The following CARS1 variants were observed in gnomAD, a reference collection of about 807,000 sequenced individuals.
CARS1 encodes the protein cysteine--tRNA ligase, cytoplasmic.
CARS1 carries 48 observed loss-of-function variants against 106.2 expected under a neutral mutation model. The ratio of observed to expected loss-of-function variants is 0.45; its 90% CI spans 0.36 to 0.57. The LOEUF (loss-of-function observed/expected upper bound fraction) is 0.57, where lower values mean the gene tolerates loss of function less well. Ranked by LOEUF, CARS1 falls within the 20% of genes least tolerant of loss-of-function variation. The pLI is 0.00. For synonymous variants in CARS1, 409 were observed against 403.4 expected, an observed-to-expected ratio of 1.01 and a Z score of -0.17; for missense variants, 968 against 1,057.2, an observed-to-expected ratio of 0.92 and a Z score of 1.17.
rs556430193 is a variant in CARS1 at position 3,023,452 on chromosome 11, C to A, written c.1154-3120G>T. Among the ~76,000 whole-genome samples, 3 of 152,280 alleles carry A rather than the reference C, an allele frequency of 2.0e-5. No homozygotes were observed. The East Asian group carries it at 5.8e-4, about 29-fold the overall frequency. On this transcript the variant is annotated intron_variant, in intron 10 of 22. Coordinates refer to ENST00000380525, the MANE Select transcript of CARS1 (RefSeq NM_001014437.3). ...TGCTGTCAGCCAGGCTGGAGTGCAACGGTGTAATCACAGCTCACTACAGCC... is the reference window on the plus strand; with the variant it reads ...TGCTGTCAGCCAGGCTGGAGTGCAAAGGTGTAATCACAGCTCACTACAGCC...
Position 3,019,046 on chromosome 11 carries a change from A to G in CARS1, c.1395+93T>C. 1.5e-6 allele frequency: 2 copies of G among 1,372,958 alleles called. No homozygotes were observed. Among genetic ancestry groups the G allele is most frequent in the Non-Finnish European group, 2.0e-6 (2 of 1,017,488 alleles). 85.0% of individuals were successfully genotyped at this position (1,372,958 alleles called of 1,614,324 possible). A position where few individuals can be genotyped will look rare whatever the true frequency, so the allele number is the denominator to read the frequency against. ...GATGAAGGTGTCAAGTTCTAGTGAG[A>G]GAGGCCCTTCTGAGGCCTGGGCTGA... is the stretch of plus-strand genomic sequence containing the variant. On this transcript the variant is annotated intron_variant, in intron 12 of 22. Transcript: ENST00000380525. The surrounding 1 kb of genome is among the most constrained non-coding windows in gnomAD (Gnocchi z 6.2).
At chr11:3,018,536 AC>A in intron 13 of CARS1, 25 bp from the exon 14 acceptor site, 1 of 1,612,614 alleles carries the variant, frequency 6.2e-7, no homozygotes, top group Non-Finnish European at 8.5e-7. Context: ...AAGACAGCCA[AC>A]GCCCTTATTC....
At chr11:3,024,939 C>T (rs1851905798) in intron 10 of CARS1, among the ~76,000 whole-genome samples, 1 of 152,186 alleles carries the variant, frequency 6.6e-6, no homozygotes, top group South Asian at 2.1e-4. Context: ...TCAAACCAAG[C>T]CTGTTAACTG....
intron 2 of CARS1, chr11:3,042,460 T>G: frequency 1.8e-6 from 1 of 550,862 alleles, no homozygotes; most frequent in East Asian, 3.1e-5. Flanking sequence ...AGTCTCGCTC[T>G]GTCGCCCAGG....
intron 13 of CARS1, 54 bp from the exon 14 acceptor site, chr11:3,018,565 A>G: frequency 1.2e-6 from 2 of 1,613,108 alleles, no homozygotes; most frequent in Non-Finnish European, 1.7e-6. Flanking sequence ...TGCTACAGCC[A>G]TTACACATGT....
chr11:3,041,095 T>C lies in CARS1; in HGVS notation c.367-111A>G. The C allele has an allele frequency of 2.6e-6, 4 of 1,546,148 alleles. No homozygotes were observed. The highest frequency in any genetic ancestry group is 3.5e-6 in the Non-Finnish European group (4 of 1,132,062). ...TGTGGTTTGTGTTTAGTGTAAACAATTCAACAGAGACCATTTTGTTTTACT... is the reference window on the plus strand; with the variant it reads ...TGTGGTTTGTGTTTAGTGTAAACAACTCAACAGAGACCATTTTGTTTTACT... On this transcript the variant is annotated intron_variant, in intron 3 of 22. Transcript: ENST00000380525. This position sits in a 1 kb window ranked among gnomAD's most constrained non-coding sequence, Gnocchi z 4.9.
rs779043574 is a variant in CARS1 at position 3,029,450 on chromosome 11, A to G, written c.802-7T>C. The G allele has an allele frequency of 8.1e-6, 13 of 1,613,108 alleles. No individual in the cohort carries two copies. Among genetic ancestry groups the G allele is most frequent in the South Asian group, 1.1e-5 (1 of 91,082 alleles). ...TGGCTTCTTCCAGCAACACCTGAAG[A>G]GAAAGAAACAAAAATCCAGCAGCGG... is the stretch of plus-strand genomic sequence containing the variant. On this transcript the variant is annotated splice_polypyrimidine_tract_variant and splice_region_variant and intron_variant, in intron 7 of 22. Coordinates refer to ENST00000380525, the MANE Select transcript of CARS1 (RefSeq NM_001014437.3). The surrounding 1 kb of genome is among the most constrained non-coding windows in gnomAD (Gnocchi z 5.9).
At chr11:3,015,577 C>A (rs1004724161) in intron 17 of CARS1, among the ~76,000 whole-genome samples, 3 of 152,248 alleles carry the variant, frequency 2.0e-5, no homozygotes, top group African/African-American at 7.2e-5. Context: ...CCAACAGTCA[C>A]AACCAAAGCA....
chr11:3,048,289 G>A lies in CARS1; in HGVS notation c.26-288C>T. 1 of 354,968 alleles carries A rather than the reference G, an allele frequency of 2.8e-6. No homozygotes were observed. The highest frequency in any genetic ancestry group is 5.2e-6 in the Non-Finnish European group (1 of 193,860). The allele number at this position is 354,968 out of a possible 1,614,324, so 22.0% of individuals were successfully genotyped here. On this transcript the variant is annotated intron_variant, in intron 1 of 22. Transcript: ENST00000380525. This position sits in a 1 kb window ranked among gnomAD's most constrained non-coding sequence, Gnocchi z 5.1. ...ACAACATCATGCGCCAAATACCACA[G>A]AATTGTGTACTTTTCACTTTATGTC...
intron 7 of CARS1, among the ~76,000 whole-genome samples, chr11:3,035,800 G>A (rs1853535209): frequency 6.6e-6 from 1 of 152,232 alleles, no homozygotes; most frequent in Admixed American, 6.5e-5. Flanking sequence ...AGACATTTCT[G>A]ATATGGCTAC....
chr11:3,027,293 C>T (rs1319066531), intron 9 of CARS1: 1 of 154,926 alleles, frequency 6.5e-6, no homozygotes, highest in Non-Finnish European at 1.4e-5. Flanking sequence ...AGAAGCAGCG[C>T]TACTGCTTAA....
At chr11:3,018,189 G>A in intron 14 of CARS1, 1 of 610,100 alleles carries the variant, frequency 1.6e-6, no homozygotes. Context: ...GCACTGCAGT[G>A]ACTAGGAGGA....
rs1417497535 is a variant in CARS1 at position 3,038,241 on chromosome 11, A to G, written c.652-42T>C. On this transcript the variant is annotated intron_variant, in intron 6 of 22. Transcript: ENST00000380525. This position sits in a 1 kb window ranked among gnomAD's most constrained non-coding sequence, Gnocchi z 4.0. Reference sequence around the variant, plus strand: ...ACGTCAAATCTATTAGATACTGCTCAGCAAAACCTAAATTCATAAAGGTGA... The same window carrying G: ...ACGTCAAATCTATTAGATACTGCTCGGCAAAACCTAAATTCATAAAGGTGA... 1 of 1,569,476 alleles carries G rather than the reference A, an allele frequency of 6.4e-7. No individual in the cohort carries two copies. Among genetic ancestry groups the G allele is most frequent in the Non-Finnish European group, 8.8e-7 (1 of 1,142,438 alleles).
rs546016670 is a variant in CARS1 at position 3,043,277 on chromosome 11, C to T, written c.275-1021G>A. On this transcript the variant is annotated intron_variant, in intron 2 of 22. Coordinates refer to ENST00000380525, the MANE Select transcript of CARS1 (RefSeq NM_001014437.3). The surrounding 1 kb of genome is among the most constrained non-coding windows in gnomAD (Gnocchi z 4.0). ...AGAGCTCTGTCCCTGGGGCCAGGGG[C>T]AGCCACAGGGTGATTATTCACCCTC... 3.9e-5 allele frequency among the ~76,000 whole-genome samples: 6 copies of T among 152,206 alleles called. No homozygotes were observed. Among genetic ancestry groups the T allele is most frequent in the Non-Finnish European group, 8.8e-5 (6 of 68,004 alleles).
rs77184150 is a variant in CARS1 at position 3,036,116 on chromosome 11, G to T, written c.801+1934C>A. Among the ~76,000 whole-genome samples, 723 of 152,322 alleles carry T rather than the reference G, an allele frequency of 4.7e-3. 6 individuals are homozygous for T. Among genetic ancestry groups the T allele is most frequent in the African/African-American group, 0.016 (679 of 41,570 alleles). On this transcript the variant is annotated intron_variant, in intron 7 of 22. Coordinates refer to ENST00000380525, the MANE Select transcript of CARS1 (RefSeq NM_001014437.3). ...CATGTGGCTGCATTTTTTTCCTGGT[G>T]GGGGAGAGTGTGCTGTGTCCCCTCA...
In CARS1 at chr11:3,030,820, A is replaced by C. The variant is rs1294300935; in HGVS notation, c.802-1377T>G. The C allele has an allele frequency of 1.3e-5, 2 of 152,282 alleles. No individual in the cohort carries two copies. The highest frequency in any genetic ancestry group is 2.4e-5 in the African/African-American group (1 of 41,460). 9.4% of individuals were successfully genotyped at this position (152,282 alleles called of 1,614,324 possible). ...CCCAGCTGGATCTGAAAATAGAAGC[A>C]AACGGAACCTGCAGAGATGAAATCT... On this transcript the variant is annotated intron_variant, in intron 7 of 22. Coordinates refer to ENST00000380525, the MANE Select transcript of CARS1 (RefSeq NM_001014437.3). The surrounding 1 kb of genome is among the most constrained non-coding windows in gnomAD (Gnocchi z 5.7).
Position 3,048,296 on chromosome 11 carries a change from G to T in CARS1, c.26-295C>A. On this transcript the variant is annotated intron_variant, in intron 1 of 22. Coordinates refer to ENST00000380525, the MANE Select transcript of CARS1 (RefSeq NM_001014437.3). The surrounding 1 kb of genome is among the most constrained non-coding windows in gnomAD (Gnocchi z 5.1). ...CATGCGCCAAATACCACAGAATTGT[G>T]TACTTTTCACTTTATGTCATATAAA... is the stretch of plus-strand genomic sequence containing the variant. The T allele has an allele frequency of 3.1e-6, 1 of 323,854 alleles. No individual in the cohort carries two copies. The allele number at this position is 323,854 out of a possible 1,614,324, so 20.1% of individuals were successfully genotyped here.
intron 2 of CARS1, among the ~76,000 whole-genome samples, chr11:3,042,879 G>C (rs1389157715): frequency 2.0e-5 from 3 of 152,206 alleles, no homozygotes; most frequent in Non-Finnish European, 4.4e-5. Context: ...AGGACCCCCT[G>C]TGGCCACGGC....
rs1480294375 is a variant in CARS1, at chr11:3,019,940, C to T, written c.1266+280G>A. On this transcript the variant is annotated intron_variant, in intron 11 of 22. Coordinates refer to ENST00000380525, the MANE Select transcript of CARS1 (RefSeq NM_001014437.3). This position sits in a 1 kb window ranked among gnomAD's most constrained non-coding sequence, Gnocchi z 6.2. ...CTGGAATACTCAGAGTCACAGAACA[C>T]AAGAACCAAGAAGCCTCCATGGACG... Among the ~76,000 whole-genome samples the T allele has an allele frequency of 1.3e-5, 2 of 152,172 alleles. No individual in the cohort carries two copies. Among genetic ancestry groups the T allele is most frequent in the African/African-American group, 4.8e-5 (2 of 41,452 alleles).
Sources: allele counts gnomAD v4.1 joint callset (sites outside exome capture counted in the v4.1 genomes callset), GRCh38; gene constraint gnomAD v4.1.1; non-coding constraint Gnocchi (gnomAD v3.1); transcripts MANE v1.5; gene names NCBI Gene and HGNC (gene_info 2026-07-23, HGNC 2026-07-21).